LRRC2: variants seen among roughly 807,000 people sequenced by gnomAD.
LRRC2 encodes the protein leucine-rich repeat-containing protein 2.
In LRRC2, 27 loss-of-function variants were observed where a neutral mutation model predicts 40.2. The ratio of observed to expected loss-of-function variants is 0.67; its 90% CI spans 0.49 to 0.93. The LOEUF (loss-of-function observed/expected upper bound fraction) is 0.93, where lower values mean the gene tolerates loss of function less well. Among genes scored for constraint, LRRC2 ranks in the 40% least tolerant of loss-of-function variants. The pLI, the probability that LRRC2 is intolerant of heterozygous loss-of-function variation, is 0.00. For missense variants in LRRC2, 402 were observed against 439.6 expected, an observed-to-expected ratio of 0.91 and a Z score of 0.76; for synonymous variants, 147 against 158.9, an observed-to-expected ratio of 0.92 and a Z score of 0.56.
chr3:46,524,117 C>T (rs920021909), intron 7 of LRRC2, among the ~76,000 whole-genome samples: 4 of 152,230 alleles, frequency 2.6e-5, no homozygotes, highest in Admixed American at 6.5e-5. Flanking sequence ...ATAATATTTA[C>T]GTTTTTGTGA....
At chr3:46,545,291 G>A (rs754655384) in intron 2 of LRRC2, 38 bp from the exon 3 acceptor site, 8 of 1,587,032 alleles carry the variant, frequency 5.0e-6, no homozygotes, top group Non-Finnish European at 6.9e-6. Context: ...ACTCTCCTGG[G>A]GACTGGCCAT....
intron 4 of LRRC2, among the ~76,000 whole-genome samples, chr3:46,538,706 A>G (rs957252814): frequency 6.6e-6 from 1 of 152,250 alleles, no homozygotes; most frequent in Admixed American, 6.5e-5. Context: ...AGAGCAATAC[A>G]TTACATTTCT....
intron 4 of LRRC2, among the ~76,000 whole-genome samples, chr3:46,534,606 A>C (rs1704238842): frequency 6.6e-6 from 1 of 152,122 alleles, no homozygotes. Context: ...GATCATCTGT[A>C]ATTCCAATAA....
At position 46,517,530 on chromosome 3, in the gene LRRC2, A is replaced by G. The variant is rs1703887199; in HGVS notation, c.*1484T>C. On this transcript the variant is annotated 3_prime_UTR_variant, in exon 9 of 9. Coordinates refer to ENST00000395905, the MANE Select transcript of LRRC2 (RefSeq NM_024512.5). Reference sequence around the variant, plus strand: ...TTTGTGGAGATGGGGTTTCGTCATGATGTCCAAGCTGTTCTCAAAATCCTG... The same window carrying G: ...TTTGTGGAGATGGGGTTTCGTCATGGTGTCCAAGCTGTTCTCAAAATCCTG... The G allele has an allele frequency of 6.6e-6, 1 of 151,912 alleles. No homozygotes were observed. The highest frequency in any genetic ancestry group is 1.5e-5 in the Non-Finnish European group (1 of 67,962). The allele number at this position is 151,912 out of a possible 1,614,324, so 9.4% of individuals were successfully genotyped here.
intron 4 of LRRC2, among the ~76,000 whole-genome samples, chr3:46,534,644 A>G (rs1163305092): frequency 6.6e-6 from 1 of 152,106 alleles, no homozygotes; most frequent in Non-Finnish European, 1.5e-5. Flanking sequence ...ATATAATGAT[A>G]ATTTCTTGGG....
chr3:46,529,950 T>G lies in LRRC2; in HGVS notation c.728A>C (p.Asp243Ala). Residue 243 changes from aspartate to alanine, a missense_variant, in exon 6 of 9, where the codon GAT (aspartate) becomes GCT (alanine). Transcript: ENST00000395905. ...GTCGGTCAGGTTATTGCTGCTGATA[T>G]CCAACCACTGCAAATTCGACATCCG... Reference protein sequence around the residue: ...VLRMSNLQWLDISSNNLTDLP... With the variant: ...VLRMSNLQWLAISSNNLTDLP... 6.2e-7 allele frequency: 1 copy of G among 1,614,164 alleles called. No homozygotes were observed. Among genetic ancestry groups the G allele is most frequent in the Non-Finnish European group, 8.5e-7 (1 of 1,180,026 alleles).
At position 46,532,959 on chromosome 3, in the gene LRRC2, T is replaced by C. The variant is rs770024262; in HGVS notation, c.491-50A>G. ...CATTGAATAGGTCGTTTAAGGTCTT[T>C]TAAGAACAAAAAGCAAAACTAAGAA... is the stretch of plus-strand genomic sequence containing the variant. On this transcript the variant is annotated intron_variant, in intron 4 of 8. Transcript: ENST00000395905. The C allele has an allele frequency of 1.9e-6, 3 of 1,583,934 alleles. No homozygotes were observed. In the African/African-American group the frequency reaches 4.1e-5, roughly 22 times the overall value.
At chr3:46,520,625 T>G (rs1363691299) in intron 8 of LRRC2, among the ~76,000 whole-genome samples, 1 of 152,198 alleles carries the variant, frequency 6.6e-6, no homozygotes, top group Non-Finnish European at 1.5e-5. Context: ...CATCTACTGA[T>G]GAGGGAGGGG....
At chr3:46,521,012 C>A (rs905672570) in intron 8 of LRRC2, among the ~76,000 whole-genome samples, 2 of 152,078 alleles carry the variant, frequency 1.3e-5, no homozygotes, top group Non-Finnish European at 2.9e-5. Context: ...GGTACTTGAC[C>A]CCCCTCGCCC....
At chr3:46,545,903 G>A (rs1307599946) in intron 2 of LRRC2, among the ~76,000 whole-genome samples, 2 of 152,116 alleles carry the variant, frequency 1.3e-5, no homozygotes, top group Admixed American at 6.5e-5. Context: ...GCACCTGGTG[G>A]GCCTTTCTTC....
rs568617358 is a variant in LRRC2, at chr3:46,539,998, C to G, written c.334-797G>C. Among the ~76,000 whole-genome samples the G allele has an allele frequency of 3.7e-4, 57 of 152,114 alleles. 1 individual carries two copies. Among genetic ancestry groups the G allele is most frequent in the Admixed American group, 3.5e-3 (53 of 15,284 alleles). On this transcript the variant is annotated intron_variant, in intron 3 of 8. Transcript: ENST00000395905. ...CCCTGACCTCAGAAGCTGACCACAACGCACCATCAGCAAAGTGGCTGGAGC... is the reference window on the plus strand; with the variant it reads ...CCCTGACCTCAGAAGCTGACCACAAGGCACCATCAGCAAAGTGGCTGGAGC...
At chr3:46,526,873 G>C (rs752974005) in intron 7 of LRRC2, among the ~76,000 whole-genome samples, 1 of 152,242 alleles carries the variant, frequency 6.6e-6, no homozygotes, top group Non-Finnish European at 1.5e-5. Context: ...AGAATTAATG[G>C]GGCAACCCCA....
In LRRC2 at chr3:46,527,448, A is replaced by G; in HGVS notation, c.907T>C (p.Cys303Arg). 6.2e-7 allele frequency: 1 copy of G among 1,613,916 alleles called. No individual in the cohort carries two copies. The highest frequency in any genetic ancestry group is 8.5e-7 in the Non-Finnish European group (1 of 1,179,860). The change falls in exon 7 of 9, where the codon TGT becomes CGT. Residue 303 changes from cysteine to arginine, a missense_variant. Cys to Arg is a radical substitution (Grantham distance 180). Transcript: ENST00000395905. Reference protein sequence around the residue: ...DHLVELPTALCDSSTPLKFVS... With the variant: ...DHLVELPTALRDSSTPLKFVS... The stretch of plus-strand genomic sequence containing the variant: ...CACTTTAAAGGTGTGGATGAGTCAC[A>G]AAGGGCAGTTGGGAGCTCCACCAAA...
intron 6 of LRRC2, 129 bp downstream of exon 6, chr3:46,529,775 TG>T: frequency 1.0e-6 from 1 of 993,410 alleles, no homozygotes; most frequent in Non-Finnish European, 1.5e-6. Flanking sequence ...ACTGATTTCC[TG>T]GAAAGGAAAC....
intron 7 of LRRC2, among the ~76,000 whole-genome samples, chr3:46,522,376 A>AAAATAAATAAATAAAT (rs59264692): frequency 1.5e-5 from 2 of 135,958 alleles, no homozygotes; most frequent in Admixed American, 7.7e-5. Flanking sequence ...CTCAATCTCA[A>AAAATAAATAAATAAAT]AAATAAATAA....
In LRRC2 at chr3:46,517,152, T is replaced by C. The variant is rs1253283064; in HGVS notation, c.*1862A>G. On this transcript the variant is annotated 3_prime_UTR_variant, in exon 9 of 9. Coordinates refer to ENST00000395905, the MANE Select transcript of LRRC2 (RefSeq NM_024512.5). The stretch of plus-strand genomic sequence containing the variant: ...GGTTTACCACGTTGGACAACGCAAA[T>C]ACAGAACATTTCCGTCACTGCAGAA... The C allele has an allele frequency of 1.3e-5, 2 of 152,052 alleles. No homozygotes were observed. Among genetic ancestry groups the C allele is most frequent in the South Asian group, 2.1e-4 (1 of 4,828 alleles). 9.4% of individuals were successfully genotyped at this position (152,052 alleles called of 1,614,324 possible).
intron 1 of LRRC2, among the ~76,000 whole-genome samples, chr3:46,553,182 C>CAAAAA (rs10676856): frequency 2.7e-5 from 4 of 149,436 alleles, no homozygotes; most frequent in Non-Finnish European, 3.0e-5. Context: ...TTGATCATTG[C>CAAAAA]AAAAAAAAAA....
At chr3:46,519,849 A>G (rs1703934665) in intron 8 of LRRC2, among the ~76,000 whole-genome samples, 1 of 152,232 alleles carries the variant, frequency 6.6e-6, no homozygotes, top group Non-Finnish European at 1.5e-5. Flanking sequence ...AACAGGGAAG[A>G]CACCATGATA....
intron 1 of LRRC2, among the ~76,000 whole-genome samples, chr3:46,552,413 T>C (rs1365565439): frequency 1.3e-5 from 2 of 152,066 alleles, no homozygotes; most frequent in Admixed American, 6.6e-5. Flanking sequence ...TAGGCGGTGT[T>C]ATAATTGCTT....
Sources: gnomAD v4.1 joint callset for allele counts (sites outside exome capture counted in the v4.1 genomes callset) on GRCh38, gnomAD v4.1.1 for gene constraint, MANE v1.5 for transcripts, NCBI Gene and HGNC (gene_info 2026-07-23, HGNC 2026-07-21) for gene names.